The following UVRAG variants were observed in gnomAD, a reference collection of about 807,000 sequenced individuals.
UVRAG encodes the protein UV radiation resistance associated, also known as UV radiation resistance-associated gene protein.
In UVRAG, 19 loss-of-function variants were observed where a neutral mutation model predicts 78.0. That is an observed-to-expected ratio of 0.24 (90% CI 0.17 to 0.36). The LOEUF is 0.36. UVRAG is among the 10% of genes least tolerant of loss of function. The pLI is 1.00. For missense variants in UVRAG, 740 were observed against 853.8 expected, an observed-to-expected ratio of 0.87 and a Z score of 1.66; for synonymous variants, 323 against 324.6, an observed-to-expected ratio of 1.00 and a Z score of 0.05.
intron 6 of UVRAG, among the ~76,000 whole-genome samples, chr11:75,949,649 CTTTTCT>C (rs1417563161): frequency 2.0e-5 from 3 of 150,242 alleles, no homozygotes; most frequent in Non-Finnish European, 4.4e-5. Flanking sequence ...AGCAAACATT[CTTTTCT>C]TTTTCTTTGG....
intron 6 of UVRAG, among the ~76,000 whole-genome samples, chr11:75,918,069 T>C (rs1292377782): frequency 6.6e-6 from 1 of 152,104 alleles, no homozygotes; most frequent in Non-Finnish European, 1.5e-5. Context: ...TGGAGTGATC[T>C]TTTAAAAGAT....
chr11:75,848,942 G>C (rs1946092080), intron 1 of UVRAG, among the ~76,000 whole-genome samples: 1 of 152,154 alleles, frequency 6.6e-6, no homozygotes, highest in African/African-American at 2.4e-5. Context: ...ACTTTGGGGA[G>C]CTGAGGCAGG....
intron 8 of UVRAG, among the ~76,000 whole-genome samples, chr11:75,995,965 TA>T (rs1396618441): frequency 6.6e-6 from 1 of 152,116 alleles, no homozygotes; most frequent in African/African-American, 2.4e-5. Flanking sequence ...CTATTAGCAA[TA>T]AAAGCCAGAC....
At chr11:75,888,294 C>T (rs1565364811) in intron 4 of UVRAG, among the ~76,000 whole-genome samples, 1 of 151,866 alleles carries the variant, frequency 6.6e-6, no homozygotes, top group African/African-American at 2.4e-5. Context: ...CCATCATGCC[C>T]GGCTAATATT....
chr11:76,130,768 G>A (rs896067085), intron 14 of UVRAG, among the ~76,000 whole-genome samples: 1 of 152,130 alleles, frequency 6.6e-6, no homozygotes, highest in African/African-American at 2.4e-5. Context: ...CTGGCCCTGG[G>A]AGTCTAATGC....
chr11:76,112,133 G>A (rs916670801), intron 13 of UVRAG, among the ~76,000 whole-genome samples: 2 of 152,020 alleles, frequency 1.3e-5, no homozygotes, highest in Non-Finnish European at 2.9e-5. Flanking sequence ...CGAAATGAAG[G>A]CTTATCACTA....
chr11:75,883,369 C>CAAAAAAAAAAAAAAAAAA (rs561377655), intron 4 of UVRAG, among the ~76,000 whole-genome samples: 3 of 48,076 alleles, frequency 6.2e-5, no homozygotes, highest in Admixed American at 2.5e-4. Flanking sequence ...TAACAGAGAA[C>CAAAAAAAAAAAAAAAAAA]AAAAAAAAAA....
At chr11:76,042,088 G>T (rs1374933597) in intron 12 of UVRAG, among the ~76,000 whole-genome samples, 2 of 152,138 alleles carry the variant, frequency 1.3e-5, no homozygotes, top group Admixed American at 1.3e-4. Flanking sequence ...TTGCTCAAAG[G>T]AGGGCATATA....
chr11:75,844,047 TATA>T (rs1215492039), intron 1 of UVRAG, among the ~76,000 whole-genome samples: 1 of 151,714 alleles, frequency 6.6e-6, no homozygotes, highest in Non-Finnish European at 1.5e-5. Flanking sequence ...ATCGGGAGAA[TATA>T]ATGTGCTGAT....
chr11:75,900,186 G>GA (rs1214885177), intron 5 of UVRAG, among the ~76,000 whole-genome samples: 1 of 152,170 alleles, frequency 6.6e-6, no homozygotes, highest in African/African-American at 2.4e-5. Flanking sequence ...GAAGTAAACA[G>GA]AAACAGAGTT....
At chr11:76,014,805 G>A (rs972374367) in intron 11 of UVRAG, among the ~76,000 whole-genome samples, 1 of 152,158 alleles carries the variant, frequency 6.6e-6, no homozygotes, top group African/African-American at 2.4e-5. Context: ...ATTATTGTAT[G>A]ATAATGAATT....
intron 12 of UVRAG, among the ~76,000 whole-genome samples, chr11:76,026,679 T>C (rs1361568703): frequency 6.6e-6 from 1 of 152,136 alleles, no homozygotes. Flanking sequence ...CCTAAACCTT[T>C]AAATTGGATG....
At chr11:75,826,469 A>C (rs1321567505) in intron 1 of UVRAG, among the ~76,000 whole-genome samples, 2 of 143,070 alleles carry the variant, frequency 1.4e-5, no homozygotes, top group African/African-American at 5.9e-5. Flanking sequence ...CTTAAACTTC[A>C]CTCGGTCCTT....
intron 1 of UVRAG, among the ~76,000 whole-genome samples, chr11:75,828,746 TAC>T (rs1555069635): frequency 1.4e-4 from 13 of 90,562 alleles, no homozygotes; most frequent in African/African-American, 4.2e-4. Context: ...TATATATATA[TAC>T]ACACACATAT....
intron 13 of UVRAG, among the ~76,000 whole-genome samples, chr11:76,079,052 G>C (rs1201596083): frequency 2.0e-5 from 3 of 152,166 alleles, no homozygotes; most frequent in East Asian, 3.8e-4. Flanking sequence ...TGAGTATTAT[G>C]TGCCCTGAGC....
In UVRAG at chr11:76,098,596, A is replaced by G. The variant is rs17134529; in HGVS notation, c.1306-17328A>G. Among the ~76,000 whole-genome samples, 916 of 152,340 alleles carry G rather than the reference A, an allele frequency of 6.0e-3. 9 individuals are homozygous for G. The highest frequency in any genetic ancestry group is 0.02 in the African/African-American group (819 of 41,580). Reference sequence around the variant, plus strand: ...CAGTTTGAAGATAGAAGACCACATCATTGTTTAATAAGTGTGGCACAGTCC... The same window carrying G: ...CAGTTTGAAGATAGAAGACCACATCGTTGTTTAATAAGTGTGGCACAGTCC... On this transcript the variant is annotated intron_variant, in intron 13 of 14. Transcript: ENST00000356136.
chr11:75,948,949 A>T (rs1159601845), intron 6 of UVRAG, among the ~76,000 whole-genome samples: 1 of 152,176 alleles, frequency 6.6e-6, no homozygotes, highest in Non-Finnish European at 1.5e-5. Context: ...GGCGTTCTGG[A>T]TGCTGTTGGG....
chr11:75,922,355 A>T (rs1591021535), intron 6 of UVRAG, among the ~76,000 whole-genome samples: 1 of 152,078 alleles, frequency 6.6e-6, no homozygotes, highest in East Asian at 1.9e-4. Flanking sequence ...CTGCTATTAT[A>T]AGGAAAAGCT....
chr11:76,099,748 A>G (rs959917925), intron 13 of UVRAG, among the ~76,000 whole-genome samples: 2 of 152,074 alleles, frequency 1.3e-5, no homozygotes, highest in East Asian at 1.9e-4. Context: ...GCACCACGTA[A>G]TATTCTAATT....
Sources: allele counts gnomAD v4.1 joint callset (sites outside exome capture counted in the v4.1 genomes callset), GRCh38; gene constraint gnomAD v4.1.1; transcripts MANE v1.5; gene names NCBI Gene and HGNC (gene_info 2026-07-23, HGNC 2026-07-21).